The following SV2C variants were observed in gnomAD, a reference collection of about 807,000 sequenced individuals.
SV2C encodes the protein solute carrier family 22 member B3.
SV2C carries 49 observed loss-of-function variants against 79.7 expected under a neutral mutation model. The ratio of observed to expected loss-of-function variants is 0.61; its 90% CI spans 0.49 to 0.78. SV2C has a LOEUF of 0.78. Ranked by LOEUF, SV2C falls within the 30% of genes least tolerant of loss-of-function variation. SV2C has a pLI of 0.00. For synonymous variants in SV2C, 334 were observed against 333.2 expected (o/e 1.00, Z -0.03); for missense variants, 833 against 912.9 (o/e 0.91, Z 1.13).
At chr5:75,907,283 ATTAC>A in the SV2C span, among the ~76,000 whole-genome samples, 1 of 152,154 alleles carries the variant, frequency 6.6e-6, no homozygotes, top group African/African-American at 2.4e-5. Flanking sequence ...AATATTACTT[ATTAC>A]TTAAAGGAAA....
chr5:75,879,135 G>T, the SV2C span, among the ~76,000 whole-genome samples: 2 of 152,112 alleles, frequency 1.3e-5, no homozygotes, highest in Non-Finnish European at 2.9e-5. Context: ...CTCCCACAAG[G>T]CCCCACCTTC....
chr5:76,341,584 A>T (rs1312322517), intron 12 of SV2C, among the ~76,000 whole-genome samples: 1 of 152,216 alleles, frequency 6.6e-6, no homozygotes, highest in African/African-American at 2.4e-5. Flanking sequence ...TGCATTGAGA[A>T]AGCAAAAATT....
chr5:76,332,242 C>T lies in SV2C; in HGVS notation c.*6695C>T, dbSNP rs577065886. ...CAGTTTTCAACCCTTTGTTCAGACTCAGACGGGTTTCAACTCAAGCGGGTA... is the reference window on the plus strand; with the variant it reads ...CAGTTTTCAACCCTTTGTTCAGACTTAGACGGGTTTCAACTCAAGCGGGTA... On this transcript the variant is annotated 3_prime_UTR_variant, in exon 13 of 13. Transcript: ENST00000502798. 6.6e-6 allele frequency: 1 copy of T among 152,316 alleles called. No homozygotes were observed. The highest frequency in any genetic ancestry group is 1.9e-4 in the East Asian group (1 of 5,190). 9.4% of individuals were successfully genotyped at this position (152,316 alleles called of 1,614,324 possible).
chr5:76,347,144 C>T (rs1191341359), intron 12 of SV2C, among the ~76,000 whole-genome samples: 3 of 152,070 alleles, frequency 2.0e-5, no homozygotes, highest in Non-Finnish European at 4.4e-5. Flanking sequence ...GCCAAATTGA[C>T]GGCACGCTCA....
chr5:76,012,990 C>T, the SV2C span, among the ~76,000 whole-genome samples: 2 of 152,246 alleles, frequency 1.3e-5, no homozygotes, highest in East Asian at 1.9e-4. Flanking sequence ...CAGTACCATG[C>T]TGTTTTGGTT....
the SV2C span, among the ~76,000 whole-genome samples, chr5:76,035,152 G>A: frequency 2.0e-5 from 3 of 150,678 alleles, no homozygotes; most frequent in Non-Finnish European, 3.0e-5. Flanking sequence ...TTCTTTATAA[G>A]TCTTGCTAGC....
chr5:76,165,287 G>A (rs1245121054), intron 2 of SV2C, among the ~76,000 whole-genome samples: 1 of 152,050 alleles, frequency 6.6e-6, no homozygotes, highest in African/African-American at 2.4e-5. Flanking sequence ...ATTGACATTG[G>A]TACAATACTA....
chr5:76,167,992 C>T (rs748569879), intron 2 of SV2C, among the ~76,000 whole-genome samples: 14 of 152,196 alleles, frequency 9.2e-5, no homozygotes, highest in Non-Finnish European at 1.6e-4. Context: ...TAATTGCTTT[C>T]TTCTTCCTTG....
intron 4 of SV2C, among the ~76,000 whole-genome samples, chr5:76,249,092 G>A (rs1039259607): frequency 6.6e-6 from 1 of 152,102 alleles, no homozygotes; most frequent in Non-Finnish European, 1.5e-5. Flanking sequence ...AATAAACCTG[G>A]AAGAAAAGTA....
the SV2C span, among the ~76,000 whole-genome samples, chr5:76,020,368 A>G: frequency 6.6e-6 from 1 of 152,166 alleles, no homozygotes; most frequent in Non-Finnish European, 1.5e-5. Flanking sequence ...TATGTTTTCC[A>G]TTCTTCACTT....
chr5:76,191,437 T>C (rs148804565), intron 2 of SV2C, among the ~76,000 whole-genome samples: 2 of 152,358 alleles, frequency 1.3e-5, no homozygotes, highest in East Asian at 3.9e-4. Context: ...CATGCATTAC[T>C]GAAGTGCTTA....
At position 76,273,681 on chromosome 5, in the gene SV2C, C is replaced by T. The variant is rs945480471; in HGVS notation, c.914-11481C>T. Among the ~76,000 whole-genome samples, 4 of 152,312 alleles carry T rather than the reference C, an allele frequency of 2.6e-5. No individual in the cohort carries two copies. In the East Asian group the frequency reaches 7.7e-4, roughly 29 times the overall value. ...GAGCTTGGAAACAGAAATAGAAAAA[C>T]TCGCAGGAAAGGTTGGCTTGTTGCT... On this transcript the variant is annotated intron_variant, in intron 4 of 12. Coordinates refer to ENST00000502798, the MANE Select transcript of SV2C (RefSeq NM_014979.4).
In SV2C at chr5:76,195,013, G is replaced by A. The variant is rs373154009; in HGVS notation, c.675G>A (p.Met225Ile). The change falls in exon 3 of 13, where the codon ATG becomes ATA. Residue 225 changes from methionine to isoleucine, a missense_variant. Met to Ile is a conservative substitution (Grantham distance 10, BLOSUM62 1). Transcript: ENST00000502798. ...VGRKQSLLICMSVNGFFAFLS... is the reference protein window; with the variant it reads ...VGRKQSLLICISVNGFFAFLS... ...GGAAACAGTCTCTTCTGATTTGCAT[G>A]TCTGTCAACGGATTCTTTGCCTTCC... The A allele has an allele frequency of 1.8e-5, 29 of 1,614,014 alleles. No homozygotes were observed. In the African/African-American group the frequency reaches 3.9e-4, roughly 22 times the overall value.
At chr5:76,271,764 G>C (rs1234877484) in intron 4 of SV2C, among the ~76,000 whole-genome samples, 1 of 152,054 alleles carries the variant, frequency 6.6e-6, no homozygotes, top group African/African-American at 2.4e-5. Context: ...ATCGCGCCCG[G>C]CGTATGTGCT....
At chr5:76,303,905 GA>G in intron 12 of SV2C, among the ~76,000 whole-genome samples, 1 of 152,318 alleles carries the variant, frequency 6.6e-6, no homozygotes, top group South Asian at 2.1e-4. Flanking sequence ...AAGCCTGAGC[GA>G]AGGAGGGAGG....
chr5:76,256,015 T>TTATGAAATGCA (rs1746254004), intron 4 of SV2C, among the ~76,000 whole-genome samples: 1 of 152,228 alleles, frequency 6.6e-6, no homozygotes, highest in Non-Finnish European at 1.5e-5. Flanking sequence ...TAGGTTGTTT[T>TTATGAAATGCA]TATGAAATGC....
the SV2C span, among the ~76,000 whole-genome samples, chr5:76,053,646 G>T: frequency 6.6e-6 from 1 of 152,082 alleles, no homozygotes; most frequent in Admixed American, 6.6e-5. Flanking sequence ...AAACATCCAT[G>T]GTGTTTTTTG....
In SV2C at chr5:76,131,805, G is replaced by A. The variant is rs1279875404; in HGVS notation, c.55G>A (p.Ala19Thr). 1 of 1,613,912 alleles carries A rather than the reference G, an allele frequency of 6.2e-7. No individual in the cohort carries two copies. Among genetic ancestry groups the A allele is most frequent in the South Asian group, 1.1e-5 (1 of 91,082 alleles). Reference protein sequence around the residue: ...TSLMKGAKDIAREVKKQTVKK... With the variant: ...TSLMKGAKDITREVKKQTVKK... ...ACTGATGAAGGGTGCCAAGGACATT[G>A]CCAGAGAGGTGAAGAAACAAACAGT... The change falls in exon 2 of 13, where the codon GCC becomes ACC. Residue 19 changes from alanine (A) to threonine (T), a missense_variant. By Grantham distance (58) the Ala-to-Thr change is moderately conservative. Transcript: ENST00000502798.
rs192684414 is a variant in SV2C, at chr5:76,183,154, G to T, written c.581-11765G>T. ...CAGGTTCAAGCAAGCCTCCTGAGTAGCTGGGATTACGGGTGCCTGCCACCA... is the reference window on the plus strand; with the variant it reads ...CAGGTTCAAGCAAGCCTCCTGAGTATCTGGGATTACGGGTGCCTGCCACCA... On this transcript the variant is annotated intron_variant, in intron 2 of 12. Coordinates refer to ENST00000502798, the MANE Select transcript of SV2C (RefSeq NM_014979.4). 1.7e-3 allele frequency among the ~76,000 whole-genome samples: 251 copies of T among 150,346 alleles called. 2 individuals are homozygous for T. The highest frequency in any genetic ancestry group is 6.9e-3 in the Middle Eastern group (2 of 290).
Sources: gnomAD v4.1 joint callset for allele counts (sites outside exome capture counted in the v4.1 genomes callset) on GRCh38, gnomAD v4.1.1 for gene constraint, MANE v1.5 for transcripts, NCBI Gene and HGNC (gene_info 2026-07-23, HGNC 2026-07-21) for gene names.